Variants in MGAT4C observed in about 807,000 individuals in gnomAD.
The protein encoded by MGAT4C is MGAT4 family member C.
Under a neutral mutation model 40.1 loss-of-function variants are expected in MGAT4C, and 19 were observed. The observed-to-expected ratio is 0.47, with a 90% CI of 0.33 to 0.70. The LOEUF (loss-of-function observed/expected upper bound fraction) is 0.70, where lower values mean the gene tolerates loss of function less well. Among genes scored for constraint, MGAT4C ranks in the 30% least tolerant of loss-of-function variants. The pLI is 0.02. For synonymous variants in MGAT4C, 181 were observed against 187.1 expected (o/e 0.97, Z 0.27); for missense variants, 491 against 563.2 (o/e 0.87, Z 1.30).
chr12:86,639,185 A>G, intron 2 of MGAT4C, among the ~76,000 whole-genome samples: 1 of 151,722 alleles, frequency 6.6e-6, no homozygotes, highest in East Asian at 1.9e-4. Context: ...GGGCACAATG[A>G]TATTTTTGTT....
intron 2 of MGAT4C, among the ~76,000 whole-genome samples, chr12:86,480,453 G>T (rs1298072816): frequency 2.7e-5 from 4 of 150,106 alleles, no homozygotes; most frequent in Non-Finnish European, 4.5e-5. Context: ...TACATATATA[G>T]ATATGTACAC....
rs952483359 is a variant in MGAT4C, at chr12:85,969,517, T to C, written c.*9772A>G. 2 of 151,544 alleles carry C rather than the reference T, an allele frequency of 1.3e-5. No individual in the cohort carries two copies. Among genetic ancestry groups the C allele is most frequent in the East Asian group, 3.9e-4 (2 of 5,186 alleles). 9.4% of individuals were successfully genotyped at this position (151,544 alleles called of 1,614,324 possible). Reference sequence around the variant, plus strand: ...TCTTTTTGGAATAACAGAAATTAGGTTGTGGTTCAGTGGAATTACAGAAGC... The same window carrying C: ...TCTTTTTGGAATAACAGAAATTAGGCTGTGGTTCAGTGGAATTACAGAAGC... On this transcript the variant is annotated 3_prime_UTR_variant, in exon 5 of 5. Coordinates refer to ENST00000611864, the MANE Select transcript of MGAT4C (RefSeq NM_001351288.2).
intron 4 of MGAT4C, among the ~76,000 whole-genome samples, chr12:86,316,538 G>A (rs369126087): frequency 5.9e-5 from 9 of 152,274 alleles, no homozygotes; most frequent in South Asian, 2.1e-4. Context: ...GGCAGCCATA[G>A]GAAAGAATGA....
Position 86,605,552 on chromosome 12 carries a change from T to C in MGAT4C, c.-229+121657A>G, listed in dbSNP as rs150670323. ...TCCATTTCCATAACTAACTCTCGAT[T>C]TTCCATTGGAACAACCTCATTATCT... is the stretch of plus-strand genomic sequence containing the variant. On this transcript the variant is annotated intron_variant, in intron 2 of 7. Coordinates refer to the MGAT4C transcript ENST00000548651. 2.5e-3 allele frequency among the ~76,000 whole-genome samples: 385 copies of C among 152,298 alleles called. 1 individual carries two copies. Among genetic ancestry groups the C allele is most frequent in the African/African-American group, 9.1e-3 (377 of 41,572 alleles).
chr12:86,512,155 G>C (rs1292394731), intron 2 of MGAT4C, among the ~76,000 whole-genome samples: 1 of 151,952 alleles, frequency 6.6e-6, no homozygotes, highest in Non-Finnish European at 1.5e-5. Context: ...ATGTCAAATA[G>C]GTATATAAAA....
At chr12:86,144,026 C>T (rs541999694) in intron 1 of MGAT4C, among the ~76,000 whole-genome samples, 1 of 152,250 alleles carries the variant, frequency 6.6e-6, no homozygotes, top group South Asian at 2.1e-4. Flanking sequence ...TAAATAAATT[C>T]CAGTCATAGG....
chr12:86,387,293 T>C (rs1161932242), intron 3 of MGAT4C, among the ~76,000 whole-genome samples: 2 of 152,122 alleles, frequency 1.3e-5, no homozygotes, highest in African/African-American at 4.8e-5. Context: ...TAGATTCATG[T>C]ATAATATTTG....
At chr12:86,095,611 C>A (rs1229773472) in intron 1 of MGAT4C, among the ~76,000 whole-genome samples, 1 of 149,638 alleles carries the variant, frequency 6.7e-6, no homozygotes, top group Non-Finnish European at 1.5e-5. Flanking sequence ...CTTTCCTTTT[C>A]TTTTTGAGTA....
In MGAT4C at chr12:86,063,632, C is replaced by T. The variant is rs138643283; in HGVS notation, c.-56-13909G>A. On this transcript the variant is annotated intron_variant, in intron 1 of 4. Transcript: ENST00000611864. ...GGTGTGCTGTATTCAGAAGATCCAT[C>T]GGTGTGCTGTATTCAGGAGACCCAT... is the stretch of plus-strand genomic sequence containing the variant. Among the ~76,000 whole-genome samples the T allele has an allele frequency of 5.4e-3, 824 of 151,478 alleles. 6 individuals are homozygous for T. The highest frequency in any genetic ancestry group is 0.019 in the African/African-American group (786 of 40,820).
intron 1 of MGAT4C, among the ~76,000 whole-genome samples, chr12:86,079,732 A>G (rs937817314): frequency 6.6e-6 from 1 of 151,728 alleles, no homozygotes; most frequent in South Asian, 2.1e-4. Context: ...GGGTAAATGG[A>G]TTATTTGTAT....
Position 85,957,568 on chromosome 12 carries a change from C to T in MGAT4C, c.*21721G>A, listed in dbSNP as rs1200280140. 2.0e-5 allele frequency: 3 copies of T among 150,038 alleles called. No homozygotes were observed. Among genetic ancestry groups the T allele is most frequent in the Non-Finnish European group, 4.4e-5 (3 of 67,842 alleles). The allele number at this position is 150,038 out of a possible 1,614,324, so 9.3% of individuals were successfully genotyped here. On this transcript the variant is annotated 3_prime_UTR_variant, in exon 5 of 5. Transcript: ENST00000611864. ...AAGACAAAAATTGACCTTTATCCTA[C>T]TATCCTCCTTCTAGCTATGGCTGAA...
chr12:86,796,982 C>T (rs1198440020), intron 1 of MGAT4C, among the ~76,000 whole-genome samples: 2 of 151,806 alleles, frequency 1.3e-5, no homozygotes, highest in Admixed American at 1.3e-4. Flanking sequence ...TCTCTGCCTC[C>T]AGGTGGTAGG....
intron 2 of MGAT4C, among the ~76,000 whole-genome samples, chr12:86,697,842 C>T (rs1440693897): frequency 6.6e-6 from 1 of 152,036 alleles, no homozygotes; most frequent in Non-Finnish European, 1.5e-5. Flanking sequence ...ATGAAACTCT[C>T]ATTCCTGCCT....
Position 86,498,965 on chromosome 12 carries a change from A to G in MGAT4C, c.-228-63700T>C, listed in dbSNP as rs570727352. The stretch of plus-strand genomic sequence containing the variant: ...GCTTGATATGCACTATAGATTGAAG[A>G]CTGCAGTTGCAGCTGCTCACCATTT... On this transcript the variant is annotated intron_variant, in intron 2 of 7. Coordinates refer to the MGAT4C transcript ENST00000548651. Among the ~76,000 whole-genome samples the G allele has an allele frequency of 2.6e-5, 4 of 152,132 alleles. No individual in the cohort carries two copies. In the South Asian group the frequency reaches 8.3e-4, roughly 32 times the overall value.
At chr12:86,774,396 C>CCTCTCTCTCTCTCTCCT (rs1555227876) in intron 1 of MGAT4C, among the ~76,000 whole-genome samples, 1 of 92,194 alleles carries the variant, frequency 1.1e-5, no homozygotes, top group African/African-American at 4.2e-5. Flanking sequence ...CTCTCTCTCT[C>CCTCTCTCTCTCTCTCCT]CTCTCTCTCT....
At chr12:86,654,418 A>T (rs1341948470) in intron 2 of MGAT4C, among the ~76,000 whole-genome samples, 1 of 151,816 alleles carries the variant, frequency 6.6e-6, no homozygotes, top group Admixed American at 6.6e-5. Flanking sequence ...TATAAAAGGC[A>T]TTAATATAGG....
intron 2 of MGAT4C, among the ~76,000 whole-genome samples, chr12:86,603,336 ATAG>A (rs1961857905): frequency 7.3e-6 from 1 of 136,142 alleles, no homozygotes; most frequent in Non-Finnish European, 1.5e-5. Flanking sequence ...ATTATATAGT[ATAG>A]TATATAATTA....
intron 2 of MGAT4C, among the ~76,000 whole-genome samples, chr12:86,684,445 G>T (rs1395372956): frequency 2.6e-5 from 4 of 152,128 alleles, no homozygotes; most frequent in Non-Finnish European, 4.4e-5. Context: ...TGGGCATTTG[G>T]GTTGGTTTCA....
At chr12:86,607,665 T>C (rs900946070) in intron 2 of MGAT4C, among the ~76,000 whole-genome samples, 3 of 152,178 alleles carry the variant, frequency 2.0e-5, no homozygotes, top group Non-Finnish European at 4.4e-5. Context: ...ATAATACATT[T>C]TAAAAAGGTG....
Sources: allele counts gnomAD v4.1 joint callset (sites outside exome capture counted in the v4.1 genomes callset), GRCh38; gene constraint gnomAD v4.1.1; transcripts MANE v1.5; gene names NCBI Gene and HGNC (gene_info 2026-07-23, HGNC 2026-07-21).